The following HDAC11 variants were observed in gnomAD, a reference collection of about 807,000 sequenced individuals.
The protein encoded by HDAC11 is histone deacetylase 11.
In HDAC11, 23 loss-of-function variants were observed where a neutral mutation model predicts 41.1. That is an observed-to-expected ratio of 0.56 (90% CI 0.40 to 0.79). The LOEUF (loss-of-function observed/expected upper bound fraction) is 0.79. HDAC11 is among the 30% of genes least tolerant of loss of function. The pLI, the probability that HDAC11 is intolerant of heterozygous loss-of-function variation, is 0.00. For missense variants in HDAC11, 402 were observed against 477.3 expected (o/e 0.84, Z 1.47); for synonymous variants, 187 against 186.6 (o/e 1.00, Z -0.02).
intron 3 of HDAC11, among the ~76,000 whole-genome samples, chr3:13,486,542 A>G (rs1051868319): frequency 3.4e-4 from 51 of 151,306 alleles, no homozygotes; most frequent in Non-Finnish European, 6.3e-4. Flanking sequence ...GAGACTAAAC[A>G]AAGGAGCAGG....
At chr3:13,482,763 G>A (rs1701379933) in intron 2 of HDAC11, among the ~76,000 whole-genome samples, 2 of 152,124 alleles carry the variant, frequency 1.3e-5, no homozygotes, top group South Asian at 4.1e-4. Flanking sequence ...CTCCAGCCTG[G>A]GCTACAGAGC....
At chr3:13,490,592 C>T (rs984738469) in intron 3 of HDAC11, among the ~76,000 whole-genome samples, 32 of 151,636 alleles carry the variant, frequency 2.1e-4, no homozygotes, top group Non-Finnish European at 2.5e-4. Context: ...TTATTCTTTT[C>T]GATGTTATTA....
At chr3:13,499,181 T>C (rs950185413) in intron 5 of HDAC11, among the ~76,000 whole-genome samples, 3 of 152,220 alleles carry the variant, frequency 2.0e-5, no homozygotes, top group African/African-American at 7.2e-5. Context: ...TCTTTTTTTC[T>C]TTTTCGAGAC....
intron 3 of HDAC11, among the ~76,000 whole-genome samples, chr3:13,486,216 G>A (rs182576901): frequency 1.5e-3 from 217 of 140,106 alleles, no homozygotes; most frequent in Non-Finnish European, 2.6e-3. Context: ...GCAGTGAGCC[G>A]AGATTGCGCC....
At position 13,502,414 on chromosome 3, in the gene HDAC11, G is replaced by A. The variant is rs1382884110; in HGVS notation, c.553-470G>A. On this transcript the variant is annotated intron_variant, in intron 7 of 9. Coordinates refer to ENST00000295757, the MANE Select transcript of HDAC11 (RefSeq NM_024827.4). The surrounding 1 kb of genome is among the most constrained non-coding windows in gnomAD (Gnocchi z 4.1). ...TTACCTCCTCCTCAGGACCCCTAAT[G>A]AGGCCAGTGCCTCTGGTCAGACAGG... 1 of 186,444 alleles carries A rather than the reference G, an allele frequency of 5.4e-6. No homozygotes were observed. Among genetic ancestry groups the A allele is most frequent in the Non-Finnish European group, 1.1e-5 (1 of 89,386 alleles). 11.5% of individuals were successfully genotyped at this position (186,444 alleles called of 1,614,324 possible). A position where few individuals can be genotyped will look rare whatever the true frequency, so the allele number is the denominator to read the frequency against.
At chr3:13,486,563 G>A (rs371437152) in intron 3 of HDAC11, among the ~76,000 whole-genome samples, 1 of 136,928 alleles carries the variant, frequency 7.3e-6, no homozygotes, top group African/African-American at 2.8e-5. Context: ...TGATACTCAT[G>A]TAGAGGTGTT....
At chr3:13,493,718 C>T (rs1701966594) in intron 3 of HDAC11, among the ~76,000 whole-genome samples, 1 of 152,230 alleles carries the variant, frequency 6.6e-6, no homozygotes, top group Admixed American at 6.5e-5. Flanking sequence ...AAGCCTGCTG[C>T]TCCGCTGAGG....
Position 13,496,731 on chromosome 3 carries a change from C to A in HDAC11, c.253-5C>A. 1 of 1,586,622 alleles carries A rather than the reference C, an allele frequency of 6.3e-7. No homozygotes were observed. The highest frequency in any genetic ancestry group is 8.6e-7 in the Non-Finnish European group (1 of 1,163,034). On this transcript the variant is annotated splice_polypyrimidine_tract_variant and splice_region_variant and intron_variant, in intron 3 of 9. Transcript: ENST00000295757. Reference sequence around the variant, plus strand: ...GAGGCCAACAGCCCCTGTCTTTTTCCGCAGTGGTCCTTTGCTGTTGCTACC... The same window carrying A: ...GAGGCCAACAGCCCCTGTCTTTTTCAGCAGTGGTCCTTTGCTGTTGCTACC...
intron 3 of HDAC11, among the ~76,000 whole-genome samples, chr3:13,487,191 G>A (rs928147972): frequency 6.6e-6 from 1 of 152,128 alleles, no homozygotes; most frequent in African/African-American, 2.4e-5. Flanking sequence ...ACATCATCTG[G>A]CACCTAAGGC....
At chr3:13,484,089 G>C (rs890226760) in intron 3 of HDAC11, among the ~76,000 whole-genome samples, 2 of 151,938 alleles carry the variant, frequency 1.3e-5, no homozygotes, top group African/African-American at 2.4e-5. Context: ...TCCTGAGTGA[G>C]TAGCTAGGAT....
chr3:13,499,398 G>A (rs1167418609), intron 5 of HDAC11, among the ~76,000 whole-genome samples: 3 of 152,074 alleles, frequency 2.0e-5, no homozygotes, highest in African/African-American at 7.2e-5. Flanking sequence ...TTGAACTCCC[G>A]ACCTCAGGTG....
At position 13,502,326 on chromosome 3, in the gene HDAC11, C is replaced by T. The variant is rs75091273; in HGVS notation, c.552+393C>T. 2,463 of 215,580 alleles carry T rather than the reference C, an allele frequency of 0.011. 27 individuals carry two copies. The highest frequency in any genetic ancestry group is 0.041 in the Middle Eastern group (22 of 538). 13.4% of individuals were successfully genotyped at this position (215,580 alleles called of 1,614,324 possible). A position where few individuals can be genotyped will look rare whatever the true frequency, so the allele number is the denominator to read the frequency against. ...GGATGCCCACACACATGGCTTGGCT[C>T]GGGCACCTGGGGTCACCATTTAAGA... On this transcript the variant is annotated intron_variant, in intron 7 of 9. Coordinates refer to ENST00000295757, the MANE Select transcript of HDAC11 (RefSeq NM_024827.4). This position sits in a 1 kb window ranked among gnomAD's most constrained non-coding sequence, Gnocchi z 4.1.
intron 3 of HDAC11, among the ~76,000 whole-genome samples, chr3:13,494,767 C>G (rs1421056458): frequency 1.3e-5 from 2 of 152,192 alleles, no homozygotes; most frequent in Non-Finnish European, 2.9e-5. Context: ...ATGGGCATTC[C>G]CCAGCAGTGT....
chr3:13,492,384 C>T (rs1264923818), intron 3 of HDAC11, among the ~76,000 whole-genome samples: 1 of 152,244 alleles, frequency 6.6e-6, no homozygotes, highest in African/African-American at 2.4e-5. Context: ...GGCCTCAGCA[C>T]TGTCTGCACA....
chr3:13,497,995 AC>A (rs2125009025), intron 4 of HDAC11, among the ~76,000 whole-genome samples: 2 of 150,944 alleles, frequency 1.3e-5, no homozygotes, highest in African/African-American at 4.9e-5. Context: ...AGCTGGGATT[AC>A]AGGCACACGC....
chr3:13,481,583 A>C (rs1445114480), intron 2 of HDAC11, among the ~76,000 whole-genome samples, 189 bp downstream of exon 2: 1 of 152,014 alleles, frequency 6.6e-6, no homozygotes, highest in Non-Finnish European at 1.5e-5. Context: ...GATGTCCCTG[A>C]CTCAGACTCT....
At position 13,498,537 on chromosome 3, in the gene HDAC11, G is replaced by A. The variant is rs1396896992; in HGVS notation, c.394G>A (p.Gly132Ser). The A allele has an allele frequency of 1.2e-6, 2 of 1,614,070 alleles. No individual in the cohort carries two copies. Among genetic ancestry groups the A allele is most frequent in the Non-Finnish European group, 1.7e-6 (2 of 1,180,038 alleles). Reference protein sequence around the residue: ...IMAGKLAVERGWAINVGGGFH... With the variant: ...IMAGKLAVERSWAINVGGGFH... ...GGCGGGGAAGCTGGCTGTGGAGCGAGGCTGGGCCATCAACGTGGGTGAGTG... is the reference window on the plus strand; with the variant it reads ...GGCGGGGAAGCTGGCTGTGGAGCGAAGCTGGGCCATCAACGTGGGTGAGTG... Residue 132 changes from glycine to serine, a missense_variant, in exon 5 of 10, where the codon GGC (glycine) becomes AGC (serine). Transcript: ENST00000295757.
intron 2 of HDAC11, among the ~76,000 whole-genome samples, chr3:13,482,408 A>C (rs1016252833): frequency 6.6e-6 from 1 of 152,232 alleles, no homozygotes; most frequent in Non-Finnish European, 1.5e-5. Flanking sequence ...GAGACTGATT[A>C]GTGGTTTGAA....
At position 13,493,356 on chromosome 3, in the gene HDAC11, C is replaced by T. The variant is rs1701951398; in HGVS notation, c.253-3380C>T. ...CCCAGGGACCCGCCACTAGTCCGCCCCACCCACTCTGTTTATTTCTCACCT... is the reference window on the plus strand; with the variant it reads ...CCCAGGGACCCGCCACTAGTCCGCCTCACCCACTCTGTTTATTTCTCACCT... On this transcript the variant is annotated intron_variant, in intron 3 of 9. Coordinates refer to ENST00000295757, the MANE Select transcript of HDAC11 (RefSeq NM_024827.4). 2.0e-5 allele frequency among the ~76,000 whole-genome samples: 3 copies of T among 152,176 alleles called. No homozygotes were observed. In the South Asian group the frequency reaches 6.2e-4, roughly 32 times the overall value.
Sources: allele counts gnomAD v4.1 joint callset (sites outside exome capture counted in the v4.1 genomes callset), GRCh38; gene constraint gnomAD v4.1.1; non-coding constraint Gnocchi (gnomAD v3.1); transcripts MANE v1.5; gene names NCBI Gene and HGNC (gene_info 2026-07-23, HGNC 2026-07-21).